The following SYNPR variants were observed in gnomAD, a reference collection of about 807,000 sequenced individuals.
The protein encoded by SYNPR is synaptoporin.
In SYNPR, 23 loss-of-function variants were observed where a neutral mutation model predicts 32.9. The ratio of observed to expected loss-of-function variants is 0.70; its 90% CI spans 0.50 to 0.99. The LOEUF is 0.99. SYNPR is among the 50% of genes least tolerant of loss of function. SYNPR has a pLI of 0.00. For synonymous variants in SYNPR, 146 were observed against 135.9 expected, an observed-to-expected ratio of 1.07 and a Z score of -0.52; for missense variants, 318 against 349.3, an observed-to-expected ratio of 0.91 and a Z score of 0.71.
intron 2 of SYNPR, among the ~76,000 whole-genome samples, chr3:63,282,680 C>T (rs2086641201): frequency 1.1e-5 from 1 of 87,074 alleles, no homozygotes; most frequent in Admixed American, 1.5e-4. Flanking sequence ...GAGACACTGT[C>T]TCAGAAAAAA....
In SYNPR at chr3:63,515,533, C is replaced by T. The variant is rs1031511774; in HGVS notation, c.209+34577C>T. 3.3e-5 allele frequency among the ~76,000 whole-genome samples: 5 copies of T among 152,160 alleles called. No individual in the cohort carries two copies. The South Asian group carries it at 1.0e-3, about 32-fold the overall frequency. On this transcript the variant is annotated intron_variant, in intron 3 of 5. Transcript: ENST00000478300. ...GTATGAATAAAGAAAACAGTCTTTC[C>T]TCAAGTGGAAAATTCAAAATATCAC... is the stretch of plus-strand genomic sequence containing the variant.
intron 3 of SYNPR, among the ~76,000 whole-genome samples, chr3:63,519,620 C>A (rs1701868019): frequency 6.6e-6 from 1 of 152,204 alleles, no homozygotes; most frequent in South Asian, 2.1e-4. Context: ...CCCATTGCCA[C>A]TGAATCACAC....
chr3:63,475,256 T>C (rs1032713966), intron 2 of SYNPR, among the ~76,000 whole-genome samples: 2 of 152,178 alleles, frequency 1.3e-5, no homozygotes, highest in Non-Finnish European at 1.5e-5. Flanking sequence ...AACAGAGCCG[T>C]AGATCATCTA....
chr3:63,562,396 T>C (rs1159758159), intron 4 of SYNPR, among the ~76,000 whole-genome samples: 3 of 152,206 alleles, frequency 2.0e-5, no homozygotes, highest in African/African-American at 7.2e-5. Flanking sequence ...TGGCTTAAAA[T>C]AACTTCTCTG....
chr3:63,207,943 C>T, the SYNPR span, among the ~76,000 whole-genome samples: 54 of 152,246 alleles, frequency 3.5e-4, no homozygotes, highest in East Asian at 0.01. Context: ...ATTTGGTATT[C>T]ATCCTCCTAG....
chr3:63,478,852 G>A (rs78420725), intron 2 of SYNPR, among the ~76,000 whole-genome samples: 3,520 of 152,232 alleles, frequency 0.023, 114 homozygotes, highest in East Asian at 0.13. Context: ...CTATCTTGAC[G>A]TGGCCCAAAG....
chr3:63,413,085 T>C (rs1393410268), intron 2 of SYNPR, among the ~76,000 whole-genome samples: 1 of 152,226 alleles, frequency 6.6e-6, no homozygotes, highest in East Asian at 1.9e-4. Flanking sequence ...TGTACTATTA[T>C]ACTTTATTCT....
chr3:63,481,098 A>C, intron 3 of SYNPR, 142 bp downstream of exon 3: 1 of 1,111,256 alleles, frequency 9.0e-7, no homozygotes, highest in Non-Finnish European at 1.2e-6. Flanking sequence ...ATGCCCAAAC[A>C]CAGTGCCCAC....
chr3:63,540,182 ATG>A (rs1251173988), intron 3 of SYNPR, among the ~76,000 whole-genome samples: 1 of 152,132 alleles, frequency 6.6e-6, no homozygotes. Context: ...TTTATTCCTT[ATG>A]AAGTAGGTCA....
intron 1 of SYNPR, chr3:63,228,506 A>G (rs1237767959): frequency 6.6e-6 from 1 of 152,176 alleles, no homozygotes; most frequent in African/African-American, 2.4e-5. Flanking sequence ...GCACAACTTC[A>G]CATTTGTGAA....
chr3:63,480,456 C>T (rs1477165391), intron 2 of SYNPR, among the ~76,000 whole-genome samples: 1 of 152,170 alleles, frequency 6.6e-6, no homozygotes, highest in Non-Finnish European at 1.5e-5. Context: ...CAAGGATACA[C>T]CCCCACATCT....
chr3:63,580,022 A>G (rs1703061685), intron 4 of SYNPR, among the ~76,000 whole-genome samples: 1 of 152,156 alleles, frequency 6.6e-6, no homozygotes, highest in Non-Finnish European at 1.5e-5. Context: ...ATATGACCCA[A>G]TTGAGCTAGG....
intron 1 of SYNPR, among the ~76,000 whole-genome samples, chr3:63,250,098 A>C (rs2086319482): frequency 6.6e-6 from 1 of 152,086 alleles, no homozygotes; most frequent in African/African-American, 2.4e-5. Context: ...TGGGAGGAAT[A>C]GGTTCTAGGG....
intron 1 of SYNPR, among the ~76,000 whole-genome samples, chr3:63,249,891 A>T (rs1022507724): frequency 1.3e-5 from 2 of 152,104 alleles, no homozygotes; most frequent in African/African-American, 4.8e-5. Context: ...TGCAAATAAC[A>T]CATAAATAGA....
chr3:63,242,139 T>C (rs2086253746), intron 1 of SYNPR, among the ~76,000 whole-genome samples: 4 of 152,084 alleles, frequency 2.6e-5, no homozygotes, highest in Admixed American at 2.6e-4. Flanking sequence ...TAAAAGATAA[T>C]GTGAATTCAA....
chr3:63,207,837 C>T, the SYNPR span, among the ~76,000 whole-genome samples: 1 of 152,062 alleles, frequency 6.6e-6, no homozygotes, highest in Non-Finnish European at 1.5e-5. Flanking sequence ...GCATGTTGCA[C>T]TTTAATGAAC....
chr3:63,490,856 TA>T (rs1250736193), intron 3 of SYNPR, among the ~76,000 whole-genome samples: 3 of 151,976 alleles, frequency 2.0e-5, no homozygotes, highest in Non-Finnish European at 4.4e-5. Context: ...TCTGCCTCCC[TA>T]GTTAAAGTGA....
At chr3:63,270,937 CCTTCCTTCT>C (rs1347279941) in intron 3 of SYNPR, among the ~76,000 whole-genome samples, 8 of 27,974 alleles carry the variant, frequency 2.9e-4, no homozygotes, top group Non-Finnish European at 6.4e-4. Context: ...TTCTTTCCTT[CCTTCCTTCT>C]TTTCTTCCTT....
At chr3:63,253,040 GAAA>G (rs200342050) in intron 2 of SYNPR, among the ~76,000 whole-genome samples, 4 of 124,028 alleles carry the variant, frequency 3.2e-5, no homozygotes, top group African/African-American at 5.9e-5. Flanking sequence ...CTCTGTCTCA[GAAA>G]AAAAAAAAAA....
Sources: allele counts gnomAD v4.1 joint callset (sites outside exome capture counted in the v4.1 genomes callset), GRCh38; gene constraint gnomAD v4.1.1; transcripts MANE v1.5; gene names NCBI Gene and HGNC (gene_info 2026-07-23, HGNC 2026-07-21).